Variants in PCDHGA12 observed in about 807,000 individuals in gnomAD.
The protein encoded by PCDHGA12 is protocadherin gamma subfamily A, 12, also known as protocadherin gamma-A12.
In PCDHGA12, 43 loss-of-function variants were observed where a neutral mutation model predicts 61.1. That is an observed-to-expected ratio of 0.70 (90% confidence interval 0.55 to 0.91). The LOEUF (loss-of-function observed/expected upper bound fraction) is 0.91, where lower values mean the gene tolerates loss of function less well. Ranked by LOEUF, PCDHGA12 falls within the 40% of genes least tolerant of loss-of-function variation. The probability of loss-of-function intolerance (pLI) is 0.00; values close to 1 mark genes in which losing one functional copy is unlikely to be tolerated. For synonymous variants in PCDHGA12, 520 were observed against 542.9 expected, an observed-to-expected ratio of 0.96 and a Z score of 0.59; for missense variants, 1,236 against 1,227.7, an observed-to-expected ratio of 1.01 and a Z score of -0.10.
chr5:141,437,728 A>T (rs1236819934), intron 1 of PCDHGA12, among the ~76,000 whole-genome samples: 1 of 150,908 alleles, frequency 6.6e-6, no homozygotes, highest in Non-Finnish European at 1.5e-5. Context: ...CTAATGTTAC[A>T]CTTTGAGTTC....
At chr5:141,458,567 TTTTGTTTG>T (rs144471304) in intron 1 of PCDHGA12, among the ~76,000 whole-genome samples, 1 of 151,488 alleles carries the variant, frequency 6.6e-6, no homozygotes, top group Non-Finnish European at 1.5e-5. Flanking sequence ...GGTTTTGGGT[TTTTGTTTG>T]TTTGTTTGTT....
chr5:141,510,916 G>C (rs1044988697), intron 3 of PCDHGA12, 31 bp from the exon 4 acceptor site: 2 of 1,613,714 alleles, frequency 1.2e-6, no homozygotes, highest in African/African-American at 1.3e-5. Flanking sequence ...CCTAAGTTTA[G>C]CTCCCACCTG....
intron 1 of PCDHGA12, among the ~76,000 whole-genome samples, chr5:141,449,561 C>T (rs777459619): frequency 2.7e-4 from 39 of 147,008 alleles, no homozygotes; most frequent in Non-Finnish European, 4.6e-4. Flanking sequence ...TGCACTCCAG[C>T]CTGGGCGACA....
chr5:141,462,486 G>A (rs62379193), intron 1 of PCDHGA12, among the ~76,000 whole-genome samples: 5,124 of 152,042 alleles, frequency 0.034, 100 homozygotes, highest in Middle Eastern at 0.088. Flanking sequence ...CGTGGTTGTT[G>A]TATCCTATAA....
chr5:141,490,149 T>C lies in PCDHGA12; in HGVS notation c.2425-4658T>C. The C allele has an allele frequency of 1.9e-6, 3 of 1,614,188 alleles. No individual in the cohort carries two copies. The highest frequency in any genetic ancestry group is 2.7e-5 in the African/African-American group (2 of 75,050). On this transcript the variant is annotated intron_variant, in intron 1 of 3. Coordinates refer to ENST00000252085, the MANE Select transcript of PCDHGA12 (RefSeq NM_003735.3). This position sits in a 1 kb window ranked among gnomAD's most constrained non-coding sequence, Gnocchi z 5.4. ...TAGACCCTAGCAGTGGGGCAATCCA[T>C]GTGTTGGGTCCCATAGACTTTGAGG... is the stretch of plus-strand genomic sequence containing the variant.
In PCDHGA12 at chr5:141,431,149, G is replaced by A. The variant is rs150692324; in HGVS notation, c.390G>A (p.Ala130=). The part of the protein sequence containing the change: ...EVEVRDINDN[A]PYFRESELEI... Reference sequence around the variant, plus strand: ...AAGTAAGGGACATTAACGACAATGCGCCTTACTTTCGTGAAAGTGAATTAG... The same window carrying A: ...AAGTAAGGGACATTAACGACAATGCACCTTACTTTCGTGAAAGTGAATTAG... Residue 130 remains alanine, a synonymous_variant, in exon 1 of 4, where the codon GCG becomes GCA. Coordinates refer to ENST00000252085, the MANE Select transcript of PCDHGA12 (RefSeq NM_003735.3). This position sits in a 1 kb window ranked among gnomAD's most constrained non-coding sequence, Gnocchi z 4.8. The A allele has an allele frequency of 3.7e-4, 605 of 1,614,210 alleles. No individual in the cohort carries two copies. Among genetic ancestry groups the A allele is most frequent in the Non-Finnish European group, 4.7e-4 (552 of 1,180,020 alleles).
intron 1 of PCDHGA12, among the ~76,000 whole-genome samples, chr5:141,443,479 C>G (rs1285767691): frequency 6.6e-6 from 1 of 152,144 alleles, no homozygotes; most frequent in African/African-American, 2.4e-5. Context: ...GAATTAGACC[C>G]TGTCCCAAAA....
intron 1 of PCDHGA12, among the ~76,000 whole-genome samples, chr5:141,469,484 A>AGAATCGCT (rs1279677032): frequency 6.6e-6 from 1 of 152,074 alleles, no homozygotes; most frequent in African/African-American, 2.4e-5. Flanking sequence ...CTGAGGCAGG[A>AGAATCGCT]GAATCGCTTG....
At chr5:141,499,331 TCA>T (rs2099791249) in intron 2 of PCDHGA12, among the ~76,000 whole-genome samples, 1 of 152,220 alleles carries the variant, frequency 6.6e-6, no homozygotes, top group African/African-American at 2.4e-5. Context: ...CTGCTCTCTC[TCA>T]GTTTGGGCAG....
At chr5:141,442,294 C>A (rs1194203452) in intron 1 of PCDHGA12, 1 of 152,584 alleles carries the variant, frequency 6.6e-6, no homozygotes, top group Admixed American at 6.5e-5. Context: ...ATGATCCTGT[C>A]TGAGTCTTTC....
Position 141,491,197 on chromosome 5 carries a change from G to A in PCDHGA12, c.2425-3610G>A. Reference sequence around the variant, plus strand: ...GGTGGTCCTGGTGAGGGACAATGGTGACCCTTCACTCTCCTCCACAGCCAC... The same window carrying A: ...GGTGGTCCTGGTGAGGGACAATGGTAACCCTTCACTCTCCTCCACAGCCAC... On this transcript the variant is annotated intron_variant, in intron 1 of 3. Coordinates refer to ENST00000252085, the MANE Select transcript of PCDHGA12 (RefSeq NM_003735.3). The surrounding 1 kb of genome is among the most constrained non-coding windows in gnomAD (Gnocchi z 6.9). 6.2e-7 allele frequency: 1 copy of A among 1,614,190 alleles called. No individual in the cohort carries two copies. The highest frequency in any genetic ancestry group is 8.5e-7 in the Non-Finnish European group (1 of 1,180,024).
chr5:141,446,260 TA>T (rs1207497940), intron 1 of PCDHGA12, among the ~76,000 whole-genome samples: 4 of 152,130 alleles, frequency 2.6e-5, no homozygotes, highest in Non-Finnish European at 4.4e-5. Context: ...GAAATATTAT[TA>T]ACTGAATAAA....
chr5:141,511,400 T>A lies in PCDHGA12; in HGVS notation c.*227T>A, dbSNP rs1208021848. On this transcript the variant is annotated 3_prime_UTR_variant, in exon 4 of 4. Coordinates refer to ENST00000252085, the MANE Select transcript of PCDHGA12 (RefSeq NM_003735.3). ...AGTTCCGCTGGGAACCCCCATCCAA[T>A]CAACTGCTGTACCCATGGGGGTAGT... 1.1e-5 allele frequency: 11 copies of A among 982,132 alleles called. No individual in the cohort carries two copies. Among genetic ancestry groups the A allele is most frequent in the African/African-American group, 3.3e-5 (2 of 60,924 alleles). 60.8% of individuals were successfully genotyped at this position (982,132 alleles called of 1,614,324 possible).
At chr5:141,494,069 C>T (rs1249076667) in intron 1 of PCDHGA12, among the ~76,000 whole-genome samples, 1 of 152,146 alleles carries the variant, frequency 6.6e-6, no homozygotes, top group Non-Finnish European at 1.5e-5. Context: ...GAGCTGGATC[C>T]CTCCCCGCTG....
intron 1 of PCDHGA12, among the ~76,000 whole-genome samples, chr5:141,473,990 G>A (rs988540565): frequency 2.0e-5 from 3 of 152,130 alleles, no homozygotes; most frequent in African/African-American, 7.2e-5. Flanking sequence ...GATCCCTTGA[G>A]CCCAAGGAGC....
At chr5:141,510,850 G>A in intron 3 of PCDHGA12, 97 bp from the exon 4 acceptor site, 4 of 1,599,444 alleles carry the variant, frequency 2.5e-6, no homozygotes, top group South Asian at 1.1e-5. Context: ...AAGGCCCAGG[G>A]TGCTGTATAG....
In PCDHGA12 at chr5:141,476,016, G is replaced by C; in HGVS notation, c.2425-18791G>C. On this transcript the variant is annotated intron_variant, in intron 1 of 3. Transcript: ENST00000252085. This position sits in a 1 kb window ranked among gnomAD's most constrained non-coding sequence, Gnocchi z 7.6. ...TCAACGGCATCCAGAAAGCCATGTC[G>C]GACTCGGCGCCCAGCGCCCAAGCGC... 1 of 1,359,386 alleles carries C rather than the reference G, an allele frequency of 7.4e-7. No homozygotes were observed. The highest frequency in any genetic ancestry group is 2.3e-5 in the East Asian group (1 of 43,300). 84.2% of individuals were successfully genotyped at this position (1,359,386 alleles called of 1,614,324 possible).
chr5:141,449,300 T>C (rs2098635283), intron 1 of PCDHGA12, among the ~76,000 whole-genome samples: 1 of 152,090 alleles, frequency 6.6e-6, no homozygotes, highest in Non-Finnish European at 1.5e-5. Flanking sequence ...GGGTGAATTA[T>C]ATGTATTATA....
chr5:141,478,163 C>G (rs779617960), intron 1 of PCDHGA12: 22 of 1,614,028 alleles, frequency 1.4e-5, no homozygotes, highest in Non-Finnish European at 1.9e-5. Context: ...TGGCTCTGCC[C>G]CCCGGGAGCA....
Sources: allele counts gnomAD v4.1 joint callset (sites outside exome capture counted in the v4.1 genomes callset), GRCh38; gene constraint gnomAD v4.1.1; non-coding constraint Gnocchi (gnomAD v3.1); transcripts MANE v1.5; gene names NCBI Gene and HGNC (gene_info 2026-07-23, HGNC 2026-07-21).